ELAVL4: variants seen among roughly 807,000 people sequenced by gnomAD.
ELAVL4 encodes the protein ELAV like RNA binding protein 4.
ELAVL4 carries 1 observed loss-of-function variant against 35.6 expected under a neutral mutation model. The observed-to-expected ratio is 0.03, with a 90% confidence interval of 0.01 to 0.13. The LOEUF (loss-of-function observed/expected upper bound fraction) is 0.13. Among genes scored for constraint, ELAVL4 ranks in the 10% least tolerant of loss-of-function variants. The pLI is 1.00. For missense variants in ELAVL4, 267 were observed against 464.9 expected (o/e 0.57, Z 3.91); for synonymous variants, 156 against 171.0 (o/e 0.91, Z 0.69).
chr1:50,142,385 T>C (rs1478970861), intron 1 of ELAVL4, among the ~76,000 whole-genome samples: 1 of 152,244 alleles, frequency 6.6e-6, no homozygotes, highest in African/African-American at 2.4e-5. Context: ...GTATTTTCAA[T>C]AGAGACTGGG....
intron 1 of ELAVL4, chr1:50,115,192 G>T (rs1667746725): frequency 6.6e-6 from 1 of 151,956 alleles, no homozygotes; most frequent in Admixed American, 6.6e-5. Context: ...TCAGATCCTT[G>T]TTGTATCTAA....
At chr1:50,055,972 A>T (rs920734478) in intron 1 of ELAVL4, among the ~76,000 whole-genome samples, 1 of 151,956 alleles carries the variant, frequency 6.6e-6, no homozygotes, top group Non-Finnish European at 1.5e-5. Flanking sequence ...TTTGAGTAGG[A>T]CTCTGTATAA....
intron 1 of ELAVL4, among the ~76,000 whole-genome samples, chr1:50,063,150 A>G (rs541015123): frequency 1.3e-5 from 2 of 152,264 alleles, no homozygotes; most frequent in South Asian, 4.1e-4. Flanking sequence ...ACAAAATGGC[A>G]CACTGTCAGC....
Position 50,109,155 on chromosome 1 carries a change from C to A in ELAVL4, c.-35C>A. 1.2e-6 allele frequency: 2 copies of A among 1,605,484 alleles called. No individual in the cohort carries two copies. Among genetic ancestry groups the A allele is most frequent in the South Asian group, 2.2e-5 (2 of 88,978 alleles). ...TCTTTGCAAATTTTAACAGAAGAGT[C>A]GAAGCTCTGCGAGACCCAATATTTG... On this transcript the variant is annotated 5_prime_UTR_variant, in exon 1 of 7. Coordinates refer to ENST00000371824, the MANE Select transcript of ELAVL4 (RefSeq NM_001144774.3).
intron 3 of ELAVL4, among the ~76,000 whole-genome samples, chr1:50,178,550 A>T (rs1680479168): frequency 6.6e-6 from 1 of 152,210 alleles, no homozygotes; most frequent in African/African-American, 2.4e-5. Context: ...AGCCTGATAC[A>T]CAAAGATCCC....
intron 3 of ELAVL4, chr1:50,180,052 T>C (rs532543422): frequency 6.6e-6 from 1 of 152,150 alleles, no homozygotes; most frequent in African/African-American, 2.4e-5. Context: ...TCAAAGAATT[T>C]TAAGAATTAT....
intron 2 of ELAVL4, among the ~76,000 whole-genome samples, chr1:50,162,006 C>T (rs1471686023): frequency 1.3e-5 from 2 of 152,176 alleles, no homozygotes; most frequent in Non-Finnish European, 1.5e-5. Flanking sequence ...CATTTTACAT[C>T]TGTGTGAACA....
intron 1 of ELAVL4, chr1:50,115,350 C>G (rs1397853184): frequency 6.6e-6 from 1 of 151,860 alleles, no homozygotes; most frequent in Non-Finnish European, 1.5e-5. Flanking sequence ...TTTGTGCTTG[C>G]GTTTTTGTTT....
At chr1:50,056,668 G>A (rs1663689436) in intron 1 of ELAVL4, among the ~76,000 whole-genome samples, 1 of 152,176 alleles carries the variant, frequency 6.6e-6, no homozygotes, top group African/African-American at 2.4e-5. Flanking sequence ...CGGGTGAGGT[G>A]GCTCACGCCT....
intron 1 of ELAVL4, chr1:50,144,470 A>G: frequency 2.4e-6 from 1 of 414,456 alleles, no homozygotes; most frequent in Non-Finnish European, 4.7e-6. Context: ...AACCCTTCCC[A>G]TATTGAACAA....
chr1:50,109,016 C>CGCGCG lies in ELAVL4; in HGVS notation c.-174_-173insGCGCG. On this transcript the variant is annotated 5_prime_UTR_variant, in exon 1 of 7. Coordinates refer to ENST00000371824, the MANE Select transcript of ELAVL4 (RefSeq NM_001144774.3). ...CTCCTTTTCTTTTTTTTCTTTCTCT[C>CGCGCG]CCCCGCCCACCCCCCCAAAAATAAT... is the stretch of plus-strand genomic sequence containing the variant. 2.2e-6 allele frequency: 2 copies of CGCGCG among 905,794 alleles called. No individual in the cohort carries two copies. The highest frequency in any genetic ancestry group is 2.6e-6 in the Non-Finnish European group (2 of 761,408). 56.1% of individuals were successfully genotyped at this position (905,794 alleles called of 1,614,324 possible). A position where few individuals can be genotyped will look rare whatever the true frequency, so the allele number is the denominator to read the frequency against.
chr1:50,144,575 T>C (rs1330394051), intron 1 of ELAVL4: 2 of 473,554 alleles, frequency 4.2e-6, no homozygotes, highest in Non-Finnish European at 8.2e-6. Context: ...ATTTAGCTTT[T>C]TCAGCTTTAA....
Position 50,170,109 on chromosome 1 carries a change from G to A in ELAVL4, c.251-6980G>A, listed in dbSNP as rs113101317. ...CAGCCTCTACCTTCAAGAAGGTTGC[G>A]GTTTCATTGAGGAATAACATTCACA... On this transcript the variant is annotated intron_variant, in intron 2 of 6. Coordinates refer to ENST00000371824, the MANE Select transcript of ELAVL4 (RefSeq NM_001144774.3). Among the ~76,000 whole-genome samples the A allele has an allele frequency of 2.7e-3, 416 of 152,210 alleles. 5 individuals carry two copies. The highest frequency in any genetic ancestry group is 9.6e-3 in the African/African-American group (397 of 41,522).
intron 3 of ELAVL4, among the ~76,000 whole-genome samples, chr1:50,189,807 C>A (rs912725507): frequency 1.3e-5 from 2 of 152,174 alleles, no homozygotes; most frequent in African/African-American, 4.8e-5. Context: ...GGATAATTGA[C>A]CCCCTTTTTA....
chr1:50,128,957 A>G lies in ELAVL4; in HGVS notation c.10-16000A>G, dbSNP rs201532674. Among the ~76,000 whole-genome samples, 6 of 152,150 alleles carry G rather than the reference A, an allele frequency of 3.9e-5. No individual in the cohort carries two copies. In the East Asian group the frequency reaches 9.7e-4, roughly 25 times the overall value. On this transcript the variant is annotated intron_variant, in intron 1 of 6. Coordinates refer to ENST00000371824, the MANE Select transcript of ELAVL4 (RefSeq NM_001144774.3). ...TTGCTCCTTAACCCTTAGTTTGCTC[A>G]CCTGTAAACTGCAAGTGATGGCAAG...
At position 50,113,203 on chromosome 1, in the gene ELAVL4, A is replaced by G. The variant is rs950652372; in HGVS notation, c.9+4005A>G. Among the ~76,000 whole-genome samples the G allele has an allele frequency of 1.0e-3, 153 of 150,110 alleles. 1 individual carries two copies. Among genetic ancestry groups the G allele is most frequent in the African/African-American group, 3.5e-3 (143 of 40,378 alleles). On this transcript the variant is annotated intron_variant, in intron 1 of 6. Coordinates refer to ENST00000371824, the MANE Select transcript of ELAVL4 (RefSeq NM_001144774.3). ...TAGAGTTACTGTGAACAACAATGGGATTTCCTCAGAGTAAGTCTTTTTTTT... is the reference window on the plus strand; with the variant it reads ...TAGAGTTACTGTGAACAACAATGGGGTTTCCTCAGAGTAAGTCTTTTTTTT...
chr1:50,124,289 C>G (rs1013308785), intron 1 of ELAVL4, among the ~76,000 whole-genome samples: 6 of 152,098 alleles, frequency 3.9e-5, no homozygotes, highest in African/African-American at 1.4e-4. Context: ...CTTTATGTCA[C>G]TTGCTGTCTG....
chr1:50,067,297 T>C (rs4636517), intron 1 of ELAVL4, among the ~76,000 whole-genome samples: 4,254 of 152,242 alleles, frequency 0.028, 169 homozygotes, highest in African/African-American at 0.097. Context: ...TTCTTGAGGA[T>C]TGAGGTAGTG....
chr1:50,176,662 AG>A (rs1437014431), intron 2 of ELAVL4, among the ~76,000 whole-genome samples: 1 of 152,166 alleles, frequency 6.6e-6, no homozygotes, highest in Admixed American at 6.5e-5. Flanking sequence ...TGGAGGTGGG[AG>A]GGGGAGAGAG....
Sources: gnomAD v4.1 joint callset for allele counts (sites outside exome capture counted in the v4.1 genomes callset) on GRCh38, gnomAD v4.1.1 for gene constraint, MANE v1.5 for transcripts, NCBI Gene and HGNC (gene_info 2026-07-23, HGNC 2026-07-21) for gene names.